PTPRD: variants seen among roughly 807,000 people sequenced by gnomAD.
PTPRD encodes receptor-type tyrosine-protein phosphatase delta.
In PTPRD, 34 loss-of-function variants were observed where a neutral mutation model predicts 214.5. The observed-to-expected ratio is 0.16, with a 90% CI of 0.12 to 0.21. The LOEUF is 0.21. Ranked by LOEUF, PTPRD falls within the 10% of genes least tolerant of loss-of-function variation. The probability of loss-of-function intolerance (pLI) is 1.00; values close to 1 mark genes in which losing one functional copy is unlikely to be tolerated. For missense variants in PTPRD, 2,545 were observed against 2,398.7 expected, an observed-to-expected ratio of 1.06 and a Z score of -1.27; for synonymous variants, 1,128 against 845.7, an observed-to-expected ratio of 1.33 and a Z score of -5.79.
chr9:8,641,449 T>C (rs1358552608), intron 12 of PTPRD, among the ~76,000 whole-genome samples: 2 of 148,662 alleles, frequency 1.3e-5, no homozygotes, highest in African/African-American at 2.6e-5. Flanking sequence ...TGCTGTACTT[T>C]GCAAAATGCA....
At chr9:8,807,821 G>C (rs983025108) in intron 11 of PTPRD, among the ~76,000 whole-genome samples, 6 of 152,090 alleles carry the variant, frequency 3.9e-5, no homozygotes, top group African/African-American at 1.2e-4. Context: ...TCAACTTAGA[G>C]ATGAACCTTT....
At chr9:9,458,813 G>A (rs1013153423) in intron 8 of PTPRD, among the ~76,000 whole-genome samples, 1 of 152,042 alleles carries the variant, frequency 6.6e-6, no homozygotes, top group Non-Finnish European at 1.5e-5. Context: ...GGTGGTGTAT[G>A]CCTGCAGTCC....
At chr9:8,755,452 C>G (rs10977278) in intron 11 of PTPRD, among the ~76,000 whole-genome samples, 2 of 150,648 alleles carry the variant, frequency 1.3e-5, no homozygotes, top group East Asian at 4.0e-4. Context: ...TCACTTGAAC[C>G]TGGCAGGCAG....
chr9:9,237,775 T>G (rs1239700427), intron 9 of PTPRD, among the ~76,000 whole-genome samples: 1 of 152,142 alleles, frequency 6.6e-6, no homozygotes, highest in African/African-American at 2.4e-5. Context: ...CTAAAACCCA[T>G]TTTTTCAAAT....
At chr9:9,818,479 G>A (rs544428254) in intron 5 of PTPRD, among the ~76,000 whole-genome samples, 1 of 152,236 alleles carries the variant, frequency 6.6e-6, no homozygotes, top group South Asian at 2.1e-4. Context: ...TATGAGTAAT[G>A]TTGATGTTAC....
intron 2 of PTPRD, among the ~76,000 whole-genome samples, chr9:10,448,281 G>A (rs989674347): frequency 6.6e-6 from 1 of 151,878 alleles, no homozygotes; most frequent in Non-Finnish European, 1.5e-5. Context: ...TGATAGCCTG[G>A]CTCTTGAGAA....
At chr9:10,164,127 G>A (rs1040115464) in intron 3 of PTPRD, among the ~76,000 whole-genome samples, 1 of 151,370 alleles carries the variant, frequency 6.6e-6, no homozygotes, top group Non-Finnish European at 1.5e-5. Context: ...GGATATCAGT[G>A]CATAAAAATA....
chr9:9,289,239 A>T (rs1950416668), intron 9 of PTPRD, among the ~76,000 whole-genome samples: 1 of 151,848 alleles, frequency 6.6e-6, no homozygotes, highest in African/African-American at 2.4e-5. Flanking sequence ...AAATTGTCAT[A>T]CAAACAGTGA....
At chr9:10,443,117 T>C (rs2098772435) in intron 2 of PTPRD, among the ~76,000 whole-genome samples, 1 of 150,434 alleles carries the variant, frequency 6.6e-6, no homozygotes, top group Non-Finnish European at 1.5e-5. Flanking sequence ...CTGGATGGTG[T>C]TTGTGTTTTT....
chr9:8,357,496 A>G (rs953265253), intron 39 of PTPRD, among the ~76,000 whole-genome samples: 1 of 152,200 alleles, frequency 6.6e-6, no homozygotes, highest in African/African-American at 2.4e-5. Context: ...TTCATCAAAG[A>G]ACATATAAGC....
At chr9:9,939,351 G>C (rs2153963843) in intron 4 of PTPRD, among the ~76,000 whole-genome samples, 1 of 152,238 alleles carries the variant, frequency 6.6e-6, no homozygotes, top group East Asian at 1.9e-4. Context: ...TGGTTGTAAG[G>C]AACTCTAAAA....
intron 10 of PTPRD, among the ~76,000 whole-genome samples, chr9:9,088,047 G>C (rs528563143): frequency 6.6e-6 from 1 of 151,228 alleles, no homozygotes; most frequent in Admixed American, 6.6e-5. Context: ...ATGCCTGGCT[G>C]ATTTTTGTAT....
At chr9:9,163,098 C>G (rs944518442) in intron 10 of PTPRD, among the ~76,000 whole-genome samples, 1 of 152,066 alleles carries the variant, frequency 6.6e-6, no homozygotes, top group African/African-American at 2.4e-5. Context: ...AGGCTCAGTT[C>G]TAGTCTTTTT....
intron 11 of PTPRD, among the ~76,000 whole-genome samples, chr9:9,007,104 C>G (rs2099475721): frequency 6.6e-6 from 1 of 151,750 alleles, no homozygotes; most frequent in Admixed American, 6.6e-5. Context: ...TGTGTGTGCT[C>G]CCATCCACAC....
chr9:8,762,002 C>T (rs1008267168), intron 11 of PTPRD, among the ~76,000 whole-genome samples: 3 of 152,044 alleles, frequency 2.0e-5, no homozygotes, highest in South Asian at 4.1e-4. Context: ...AATTTAGGTA[C>T]ATTAAAATAT....
At chr9:10,358,597 G>C (rs140342650) in intron 2 of PTPRD, among the ~76,000 whole-genome samples, 1 of 151,838 alleles carries the variant, frequency 6.6e-6, no homozygotes, top group Admixed American at 6.6e-5. Flanking sequence ...CAAACTGTCT[G>C]AAAAATTTAG....
At chr9:8,733,709 G>C (rs2098686275) in intron 12 of PTPRD, 71 bp downstream of exon 12, 1 of 1,471,300 alleles carries the variant, frequency 6.8e-7, no homozygotes, top group Non-Finnish European at 9.3e-7. Context: ...GAGGCCCTGA[G>C]CCTGGTGCCA....
intron 5 of PTPRD, among the ~76,000 whole-genome samples, chr9:9,877,698 G>C (rs2067284548): frequency 6.6e-6 from 1 of 152,104 alleles, no homozygotes; most frequent in African/African-American, 2.4e-5. Flanking sequence ...TGCTGGGCCA[G>C]GCACAGTGGC....
At chr9:9,160,991 C>T (rs1414001660) in intron 10 of PTPRD, among the ~76,000 whole-genome samples, 1 of 152,064 alleles carries the variant, frequency 6.6e-6, no homozygotes, top group Non-Finnish European at 1.5e-5. Context: ...AATTTGATCT[C>T]ATAGAAGTAG....
Sources: allele counts gnomAD v4.1 joint callset (sites outside exome capture counted in the v4.1 genomes callset), GRCh38; gene constraint gnomAD v4.1.1; transcripts MANE v1.5; gene names NCBI Gene and HGNC (gene_info 2026-07-23, HGNC 2026-07-21).